Variants in SENP5 observed in about 807,000 individuals in gnomAD.
SENP5 encodes SUMO specific peptidase 5.
A neutral mutation model predicts 74.2 loss-of-function variants in SENP5; 21 were observed. That is an observed-to-expected ratio of 0.28 (90% CI 0.20 to 0.41). The LOEUF (loss-of-function observed/expected upper bound fraction) is 0.41, where lower values mean the gene tolerates loss of function less well. SENP5 is among the 10% of genes least tolerant of loss of function. The probability of loss-of-function intolerance (pLI) is 1.00; values close to 1 mark genes in which losing one functional copy is unlikely to be tolerated. For synonymous variants in SENP5, 311 were observed against 312.7 expected (o/e 0.99, Z 0.06); for missense variants, 717 against 889.1 (o/e 0.81, Z 2.46).
At chr3:196,873,131 T>G (rs554499522) in intron 1 of SENP5, among the ~76,000 whole-genome samples, 1 of 147,692 alleles carries the variant, frequency 6.8e-6, no homozygotes, top group East Asian at 2.0e-4. Context: ...TGGAGTGCAG[T>G]GGCGTGAACT....
At chr3:196,903,333 T>G (rs1420614179) in intron 5 of SENP5, among the ~76,000 whole-genome samples, 200 bp from the exon 6 acceptor site, 2 of 152,174 alleles carry the variant, frequency 1.3e-5, no homozygotes. Flanking sequence ...AGAGACAGTG[T>G]CTCACCATGT....
chr3:196,888,803 C>T (rs150072837), intron 2 of SENP5, among the ~76,000 whole-genome samples: 1,661 of 152,086 alleles, frequency 0.011, 21 homozygotes, highest in African/African-American at 0.032. Context: ...AGCACTTTCT[C>T]TTTCCAACCA....
Position 196,912,208 on chromosome 3 carries a change from G to T in SENP5, c.1884+8598G>T, listed in dbSNP as rs115265802. Among the ~76,000 whole-genome samples the T allele has an allele frequency of 8.8e-3, 1,338 of 152,302 alleles. 22 individuals are homozygous for T. The highest frequency in any genetic ancestry group is 0.028 in the African/African-American group (1,173 of 41,562). ...CAGTGATAGACTACATAAAGAGAAT[G>T]TGGTACATACGCACCATGGAATACT... On this transcript the variant is annotated intron_variant, in intron 6 of 9. Transcript: ENST00000323460.
rs1026397545 is a variant in SENP5 at position 196,923,655 on chromosome 3, T to C, written c.2022+104T>C. 3 of 732,420 alleles carry C rather than the reference T, an allele frequency of 4.1e-6. No individual in the cohort carries two copies. The Admixed American group carries it at 8.8e-5, about 21-fold the overall frequency. 45.4% of individuals were successfully genotyped at this position (732,420 alleles called of 1,614,324 possible). Reference sequence around the variant, plus strand: ...CAGTCAAAACCATATAGGAACAGTTTATGTCATGAAAATCCTCCAAAGTGT... The same window carrying C: ...CAGTCAAAACCATATAGGAACAGTTCATGTCATGAAAATCCTCCAAAGTGT... On this transcript the variant is annotated intron_variant, in intron 7 of 9. Transcript: ENST00000323460.
chr3:196,879,492 A>G (rs375501320), intron 1 of SENP5, among the ~76,000 whole-genome samples: 8 of 152,316 alleles, frequency 5.3e-5, no homozygotes, highest in South Asian at 2.1e-4. Flanking sequence ...TATCAGGATC[A>G]CATTCTTGGA....
At chr3:196,907,455 A>G (rs1388520210) in intron 6 of SENP5, among the ~76,000 whole-genome samples, 1 of 149,110 alleles carries the variant, frequency 6.7e-6, no homozygotes. Context: ...CTCCGTCTCA[A>G]AAAAAAAAAA....
chr3:196,925,686 G>A lies in SENP5; in HGVS notation c.2023-2110G>A, dbSNP rs116783454. On this transcript the variant is annotated intron_variant, in intron 7 of 9. Coordinates refer to ENST00000323460, the MANE Select transcript of SENP5 (RefSeq NM_152699.5). ...ATGATGGTTAAACAGGATTTTGTTT[G>A]TAAAACATGCAGTTGGGTTTAAGTC... is the stretch of plus-strand genomic sequence containing the variant. Among the ~76,000 whole-genome samples the A allele has an allele frequency of 9.2e-3, 1,394 of 152,312 alleles. 20 individuals carry two copies. The highest frequency in any genetic ancestry group is 0.032 in the African/African-American group (1,333 of 41,564).
chr3:196,909,755 A>G (rs1715046024), intron 6 of SENP5, among the ~76,000 whole-genome samples: 1 of 152,236 alleles, frequency 6.6e-6, no homozygotes. Context: ...TTCATCAAAC[A>G]TATCTCAATA....
intron 6 of SENP5, among the ~76,000 whole-genome samples, chr3:196,912,109 C>T (rs1033193930): frequency 1.3e-5 from 2 of 152,102 alleles, no homozygotes; most frequent in African/African-American, 4.8e-5. Context: ...AAATCATTCT[C>T]TATAGAGACA....
chr3:196,925,069 A>AG (rs1715762148), intron 7 of SENP5, among the ~76,000 whole-genome samples: 1 of 152,212 alleles, frequency 6.6e-6, no homozygotes, highest in Non-Finnish European at 1.5e-5. Context: ...GTAAGTAAAA[A>AG]GGTGGGACCT....
chr3:196,920,162 A>C (rs1366257454), intron 6 of SENP5, among the ~76,000 whole-genome samples: 1 of 152,180 alleles, frequency 6.6e-6, no homozygotes, highest in Non-Finnish European at 1.5e-5. Flanking sequence ...GGGAGAATGG[A>C]CATCTAATAA....
At chr3:196,904,738 G>A (rs986166564) in intron 6 of SENP5, among the ~76,000 whole-genome samples, 9 of 152,064 alleles carry the variant, frequency 5.9e-5, no homozygotes, top group Non-Finnish European at 1.0e-4. Flanking sequence ...GCAGTGAGCC[G>A]AGATTGCACT....
chr3:196,883,947 T>C (rs1266721595), intron 1 of SENP5, among the ~76,000 whole-genome samples: 1 of 152,144 alleles, frequency 6.6e-6, no homozygotes, highest in Admixed American at 6.5e-5. Context: ...CTGCTTCGGC[T>C]TCCCAAAGTG....
At chr3:196,880,638 CTTTTTTTTTT>C (rs56188124) in intron 1 of SENP5, among the ~76,000 whole-genome samples, 1 of 101,964 alleles carries the variant, frequency 9.8e-6, no homozygotes, top group Non-Finnish European at 1.9e-5. Context: ...GCCAGTTATT[CTTTTTTTTTT>C]TTTTTTTTTT....
At chr3:196,926,039 A>G (rs1260130916) in intron 7 of SENP5, among the ~76,000 whole-genome samples, 1 of 152,210 alleles carries the variant, frequency 6.6e-6, no homozygotes, top group Non-Finnish European at 1.5e-5. Context: ...CAGTCACCAC[A>G]TAAATGTGTA....
chr3:196,878,109 C>T (rs1210157551), intron 1 of SENP5, among the ~76,000 whole-genome samples: 1 of 152,186 alleles, frequency 6.6e-6, no homozygotes, highest in Non-Finnish European at 1.5e-5. Flanking sequence ...GCAGAAAAGA[C>T]TAATGGCAAC....
At chr3:196,870,671 C>T (rs1264714427) in intron 1 of SENP5, among the ~76,000 whole-genome samples, 1 of 151,950 alleles carries the variant, frequency 6.6e-6, no homozygotes, top group Non-Finnish European at 1.5e-5. Context: ...GCGCCCACCA[C>T]CACGCCCGGC....
chr3:196,918,391 CTTGACT>C (rs1218918582), intron 6 of SENP5, among the ~76,000 whole-genome samples: 1 of 100,548 alleles, frequency 9.9e-6, no homozygotes, highest in Non-Finnish European at 2.2e-5. Context: ...TTCGTTTTCT[CTTGACT>C]TTTTTTTTTT....
At chr3:196,909,169 G>A (rs7628587) in intron 6 of SENP5, among the ~76,000 whole-genome samples, 29,300 of 151,988 alleles carry the variant, frequency 0.19, 3,718 homozygotes, top group South Asian at 0.37. Flanking sequence ...TAGAAGAAAC[G>A]GATAAATTCC....
Sources: allele counts gnomAD v4.1 joint callset (sites outside exome capture counted in the v4.1 genomes callset), GRCh38; gene constraint gnomAD v4.1.1; transcripts MANE v1.5; gene names NCBI Gene and HGNC (gene_info 2026-07-23, HGNC 2026-07-21).